The following CAPSL variants were observed in gnomAD, a reference collection of about 807,000 sequenced individuals.
The protein encoded by CAPSL is calcyphosine like, also known as calcyphosin-like protein.
CAPSL carries 17 observed loss-of-function variants against 21.3 expected under a neutral mutation model. That is an observed-to-expected ratio of 0.80 (90% CI 0.55 to 1.20). The LOEUF is 1.20. Among genes scored for constraint, CAPSL ranks in the 50% most tolerant of loss-of-function variants. The probability of loss-of-function intolerance (pLI) is 0.00; values close to 1 mark genes in which losing one functional copy is unlikely to be tolerated. For synonymous variants in CAPSL, 102 were observed against 89.3 expected (o/e 1.14, Z -0.80); for missense variants, 289 against 259.3 (o/e 1.11, Z -0.79).
chr5:35,937,786 T>C (rs1226837299), intron 1 of CAPSL, among the ~76,000 whole-genome samples: 2 of 151,078 alleles, frequency 1.3e-5, no homozygotes, highest in Admixed American at 1.3e-4. Context: ...TTTAAAACTT[T>C]CAATAACAAA....
At chr5:35,930,620 C>G (rs1738796810) in intron 1 of CAPSL, among the ~76,000 whole-genome samples, 1 of 152,170 alleles carries the variant, frequency 6.6e-6, no homozygotes, top group East Asian at 1.9e-4. Context: ...AGTCTTGGTT[C>G]TGCATTAATG....
chr5:35,925,768 A>C (rs977902410), intron 1 of CAPSL, among the ~76,000 whole-genome samples: 1 of 152,178 alleles, frequency 6.6e-6, no homozygotes, highest in South Asian at 2.1e-4. Flanking sequence ...AAGTCTTCTT[A>C]AAAAACAGGA....
chr5:35,904,778 G>C, intron 4 of CAPSL, 132 bp from the exon 5 acceptor site: 1 of 1,339,976 alleles, frequency 7.5e-7, no homozygotes, highest in East Asian at 2.6e-5. Flanking sequence ...CTGAGGAACT[G>C]ATCTAAAACA....
rs1554069748 is a variant in CAPSL at position 35,919,170 on chromosome 5, A to ATTATATATATATATATATAT, written c.137+1813_137+1814insATATATATATATATATATAA. Among the ~76,000 whole-genome samples the ATTATATATATATATATATAT allele has an allele frequency of 3.1e-4, 38 of 121,256 alleles. 1 individual carries two copies. The highest frequency in any genetic ancestry group is 1.1e-3 in the African/African-American group (37 of 33,782). The allele number at this position is 121,256 out of a possible 152,430, so 79.5% of individuals were successfully genotyped here. ...AGTATCTTTCCTGATTAAAAAAAAA[A>ATTATATATATATATATATAT]ATATATATATATATATATATAAAAA... is the stretch of plus-strand genomic sequence containing the variant. On this transcript the variant is annotated intron_variant, in intron 2 of 4. Coordinates refer to ENST00000651391, the MANE Select transcript of CAPSL (RefSeq NM_001042625.2).
chr5:35,928,124 A>C (rs891422201), intron 1 of CAPSL, among the ~76,000 whole-genome samples: 2 of 152,186 alleles, frequency 1.3e-5, no homozygotes, highest in Non-Finnish European at 2.9e-5. Flanking sequence ...AGAGGGGATA[A>C]ATGCTGTGTC....
At chr5:35,920,432 T>C (rs538121699) in intron 2 of CAPSL, among the ~76,000 whole-genome samples, 4 of 152,264 alleles carry the variant, frequency 2.6e-5, no homozygotes, top group African/African-American at 9.6e-5. Flanking sequence ...CCTTTCCCTT[T>C]TGGTTTCTCA....
In CAPSL at chr5:35,904,602, T is replaced by C; in HGVS notation, c.570A>G (p.Ala190=). ...EFMNYYAGVS[A]SIDTDVYFII... is the part of the protein sequence containing the mutation. ...TGAAGTACACATCAGTGTCAATGGA[T>C]GCGCTCACACCTGCATAGTAGTTCA... The change falls in exon 5 of 5, where the codon GCA becomes GCG. Residue 190 remains alanine (A), a synonymous_variant. Transcript: ENST00000651391. The C allele has an allele frequency of 6.2e-7, 1 of 1,613,876 alleles. No homozygotes were observed. The highest frequency in any genetic ancestry group is 8.5e-7 in the Non-Finnish European group (1 of 1,179,986).
Position 35,914,157 on chromosome 5 carries a change from A to G in CAPSL, c.138-3614T>C, listed in dbSNP as rs999932868. On this transcript the variant is annotated intron_variant, in intron 2 of 4. Coordinates refer to ENST00000651391, the MANE Select transcript of CAPSL (RefSeq NM_001042625.2). The stretch of plus-strand genomic sequence containing the variant: ...AGGGATCAATTCAACAAGAAGAGCT[A>G]ACTATCCTAAATATATATGCACCCA... 7.2e-5 allele frequency among the ~76,000 whole-genome samples: 11 copies of G among 152,256 alleles called. 1 individual carries two copies. Among genetic ancestry groups the G allele is most frequent in the African/African-American group, 2.2e-4 (9 of 41,462 alleles).
At chr5:35,927,320 T>C (rs1738711367) in intron 1 of CAPSL, among the ~76,000 whole-genome samples, 1 of 152,222 alleles carries the variant, frequency 6.6e-6, no homozygotes, top group African/African-American at 2.4e-5. Flanking sequence ...GACCATGTCA[T>C]GATTTTTAAC....
At chr5:35,912,079 G>A (rs189253469) in intron 2 of CAPSL, among the ~76,000 whole-genome samples, 3,341 of 152,212 alleles carry the variant, frequency 0.022, 120 homozygotes, top group African/African-American at 0.076. Flanking sequence ...CACCTGGCTC[G>A]GAGGATCCGA....
chr5:35,925,658 G>A (rs1738654007), intron 1 of CAPSL, among the ~76,000 whole-genome samples: 1 of 151,924 alleles, frequency 6.6e-6, no homozygotes, highest in South Asian at 2.1e-4. Flanking sequence ...AGACCGCAAA[G>A]TTTTCTTAAA....
Position 35,904,379 on chromosome 5 carries a change from T to C in CAPSL, c.*166A>G, listed in dbSNP as rs1007913991. 6.5e-6 allele frequency: 4 copies of C among 616,074 alleles called. No homozygotes were observed. The highest frequency in any genetic ancestry group is 4.0e-5 in the South Asian group (2 of 49,998). 38.2% of individuals were successfully genotyped at this position (616,074 alleles called of 1,614,324 possible). ...GGCAAACTCACAGTTGGCTACTCAA[T>C]GTCTTTTATTTCTGCCTGTTTTTTG... On this transcript the variant is annotated 3_prime_UTR_variant, in exon 5 of 5. Coordinates refer to ENST00000651391, the MANE Select transcript of CAPSL (RefSeq NM_001042625.2).
intron 1 of CAPSL, among the ~76,000 whole-genome samples, chr5:35,938,333 T>A (rs1266361350): frequency 6.6e-6 from 1 of 152,186 alleles, no homozygotes; most frequent in African/African-American, 2.4e-5. Context: ...AGCATTTTTT[T>A]TGCAAAGATT....
intron 1 of CAPSL, among the ~76,000 whole-genome samples, chr5:35,937,979 A>G (rs1326485850): frequency 6.6e-6 from 1 of 152,198 alleles, no homozygotes; most frequent in African/African-American, 2.4e-5. Flanking sequence ...TCTCTGATGA[A>G]TCAAATCAAC....
At chr5:35,928,384 C>T (rs1229492920) in intron 1 of CAPSL, among the ~76,000 whole-genome samples, 1 of 152,144 alleles carries the variant, frequency 6.6e-6, no homozygotes. Flanking sequence ...GTGATGTCCT[C>T]CCGAAGAGAC....
chr5:35,933,684 G>A (rs1189678254), intron 1 of CAPSL, among the ~76,000 whole-genome samples: 1 of 152,140 alleles, frequency 6.6e-6, no homozygotes, highest in East Asian at 1.9e-4. Flanking sequence ...CAAGCTAGAG[G>A]GGTAACTGCA....
At position 35,912,439 on chromosome 5, in the gene CAPSL, G is replaced by A. The variant is rs1738252606; in HGVS notation, c.138-1896C>T. On this transcript the variant is annotated intron_variant, in intron 2 of 4. Coordinates refer to ENST00000651391, the MANE Select transcript of CAPSL (RefSeq NM_001042625.2). Reference sequence around the variant, plus strand: ...CAAGTGGGTCCCTGACCCCCGAGTAGCCTAACTGGGAGGCACCCCCCAGTA... The same window carrying A: ...CAAGTGGGTCCCTGACCCCCGAGTAACCTAACTGGGAGGCACCCCCCAGTA... 3.3e-5 allele frequency among the ~76,000 whole-genome samples: 5 copies of A among 152,174 alleles called. No homozygotes were observed. The South Asian group carries it at 1.0e-3, about 32-fold the overall frequency.
In CAPSL at chr5:35,916,444, C is replaced by T. The variant is rs1454970137; in HGVS notation, c.137+4540G>A. Among the ~76,000 whole-genome samples the T allele has an allele frequency of 2.3e-4, 35 of 152,266 alleles. 1 individual carries two copies. The highest frequency in any genetic ancestry group is 5.8e-4 in the East Asian group (3 of 5,188). ...ACAAAAGAAAAAGCTGGAGGCATAACGCTACCTGACTTCAAACTATACTAC... is the reference window on the plus strand; with the variant it reads ...ACAAAAGAAAAAGCTGGAGGCATAATGCTACCTGACTTCAAACTATACTAC... On this transcript the variant is annotated intron_variant, in intron 2 of 4. Transcript: ENST00000651391.
chr5:35,912,226 G>A (rs1314504060), intron 2 of CAPSL, among the ~76,000 whole-genome samples: 1 of 152,202 alleles, frequency 6.6e-6, no homozygotes, highest in Non-Finnish European at 1.5e-5. Context: ...CTCAAACTGG[G>A]TGGAGCTCAC....
Sources: gnomAD v4.1 joint callset for allele counts (sites outside exome capture counted in the v4.1 genomes callset) on GRCh38, gnomAD v4.1.1 for gene constraint, MANE v1.5 for transcripts, NCBI Gene and HGNC (gene_info 2026-07-23, HGNC 2026-07-21) for gene names.